The following PRCP variants were observed in gnomAD, a reference collection of about 807,000 sequenced individuals.
The protein encoded by PRCP is lysosomal Pro-X carboxypeptidase.
PRCP carries 46 observed loss-of-function variants against 54.2 expected under a neutral mutation model. That is an observed-to-expected ratio of 0.85 (90% CI 0.67 to 1.09). The LOEUF (loss-of-function observed/expected upper bound fraction) is 1.09. Among genes scored for constraint, PRCP ranks in the 50% least tolerant of loss-of-function variants. The pLI is 0.00. For missense variants in PRCP, 613 were observed against 596.8 expected, an observed-to-expected ratio of 1.03 and a Z score of -0.28; for synonymous variants, 240 against 212.2, an observed-to-expected ratio of 1.13 and a Z score of -1.14.
At position 82,824,977 on chromosome 11, in the gene PRCP, G is replaced by C. The variant is rs543072215; in HGVS notation, c.1420C>G (p.Arg474Gly). The C allele has an allele frequency of 1.2e-6, 2 of 1,613,882 alleles. No individual in the cohort carries two copies. Among genetic ancestry groups the C allele is most frequent in the South Asian group, 2.2e-5 (2 of 91,074 alleles). Residue 474 changes from arginine to glycine, a missense_variant, in exon 9 of 9, where the codon CGC (arginine) becomes GGC (glycine). Arg to Gly is a moderately radical substitution (Grantham distance 125, BLOSUM62 -2). Coordinates refer to ENST00000313010, the MANE Select transcript of PRCP (RefSeq NM_005040.4). ...TTCATATGTCTAACTTCCAAGGAGC[G>C]GGCTAACAGCACAGACATAGGATCC... is the stretch of plus-strand genomic sequence containing the variant. ...ALDPMSVLLARSLEVRHMKNW... is the reference protein window; with the variant it reads ...ALDPMSVLLAGSLEVRHMKNW...
chr11:82,893,102 A>G (rs1860041074), intron 1 of PRCP, among the ~76,000 whole-genome samples: 1 of 152,180 alleles, frequency 6.6e-6, no homozygotes, highest in East Asian at 1.9e-4. Context: ...GTTCTAGCCA[A>G]GGAATTGTGA....
intron 1 of PRCP, 160 bp downstream of exon 1, chr11:82,900,075 T>C (rs1487004141): frequency 1.1e-6 from 1 of 901,890 alleles, no homozygotes; most frequent in South Asian, 1.7e-5. Context: ...TAAACAGAAC[T>C]GGGATTTGGG....
At chr11:82,858,242 T>A (rs1406636005) in intron 2 of PRCP, 1 of 152,238 alleles carries the variant, frequency 6.6e-6, no homozygotes, top group Non-Finnish European at 1.5e-5. Context: ...CTGTATCCAT[T>A]TAACAGATGA....
At chr11:82,863,820 C>T (rs777063490) in intron 1 of PRCP, among the ~76,000 whole-genome samples, 1 of 152,198 alleles carries the variant, frequency 6.6e-6, no homozygotes, top group East Asian at 1.9e-4. Context: ...GCCCAAGGTA[C>T]TCCTGCTCCC....
intron 3 of PRCP, among the ~76,000 whole-genome samples, chr11:82,852,445 G>C (rs1263814678): frequency 6.6e-6 from 1 of 152,118 alleles, no homozygotes; most frequent in Non-Finnish European, 1.5e-5. Flanking sequence ...ATTTTTAATG[G>C]AACATTTATT....
At chr11:82,864,411 G>A (rs941946373) in intron 1 of PRCP, among the ~76,000 whole-genome samples, 3 of 152,170 alleles carry the variant, frequency 2.0e-5, no homozygotes, top group Non-Finnish European at 4.4e-5. Flanking sequence ...TGGGACCCAC[G>A]TGCCACTCCC....
intron 8 of PRCP, chr11:82,829,733 C>A (rs2121057497): frequency 6.6e-6 from 1 of 152,228 alleles, no homozygotes; most frequent in Non-Finnish European, 1.5e-5. Flanking sequence ...AGAAGCAGAC[C>A]TGGCTTAGAA....
chr11:82,830,378 A>C (rs1300855784), intron 8 of PRCP: 2 of 152,144 alleles, frequency 1.3e-5, no homozygotes, highest in Non-Finnish European at 2.9e-5. Flanking sequence ...CTATAATCCC[A>C]GCACTTTGGG....
intron 1 of PRCP, among the ~76,000 whole-genome samples, chr11:82,870,808 G>A (rs1471376817): frequency 1.3e-5 from 2 of 152,250 alleles, no homozygotes; most frequent in East Asian, 3.9e-4. Flanking sequence ...ATAAAACTAG[G>A]ATGAGAATGT....
intron 1 of PRCP, among the ~76,000 whole-genome samples, chr11:82,866,153 A>G (rs1404224040): frequency 6.6e-6 from 1 of 152,228 alleles, no homozygotes; most frequent in Non-Finnish European, 1.5e-5. Context: ...CATCCATACA[A>G]TGAAGATACC....
chr11:82,876,437 G>A (rs750330366), intron 1 of PRCP, among the ~76,000 whole-genome samples: 1 of 152,174 alleles, frequency 6.6e-6, no homozygotes, highest in Non-Finnish European at 1.5e-5. Flanking sequence ...AACCATATGT[G>A]TATTTTTGCA....
intron 1 of PRCP, among the ~76,000 whole-genome samples, chr11:82,891,194 A>T (rs1860002025): frequency 6.6e-6 from 1 of 152,016 alleles, no homozygotes; most frequent in South Asian, 2.1e-4. Context: ...CTACCTTCTA[A>T]CTGCTCAGGC....
intron 3 of PRCP, among the ~76,000 whole-genome samples, chr11:82,851,199 T>C (rs1858946090): frequency 6.6e-6 from 1 of 152,134 alleles, no homozygotes; most frequent in African/African-American, 2.4e-5. Flanking sequence ...GAAGGTCTTT[T>C]AAAATATGTC....
chr11:82,861,783 T>A (rs139549347), intron 1 of PRCP, among the ~76,000 whole-genome samples: 3 of 152,274 alleles, frequency 2.0e-5, no homozygotes, highest in African/African-American at 7.2e-5. Flanking sequence ...TAAATGAATT[T>A]TAAGGAACAT....
At chr11:82,864,146 T>C (rs1001303811) in intron 1 of PRCP, among the ~76,000 whole-genome samples, 2 of 152,220 alleles carry the variant, frequency 1.3e-5, no homozygotes, top group African/African-American at 2.4e-5. Context: ...AGTACTTAGA[T>C]GGGAGACAGA....
At chr11:82,847,151 T>C (rs996463797) in intron 6 of PRCP, among the ~76,000 whole-genome samples, 5 of 152,208 alleles carry the variant, frequency 3.3e-5, no homozygotes. Flanking sequence ...AATGAGAGAA[T>C]TCCCCATATG....
At chr11:82,844,962 T>C (rs1485273969) in intron 6 of PRCP, among the ~76,000 whole-genome samples, 1 of 152,028 alleles carries the variant, frequency 6.6e-6, no homozygotes, top group Non-Finnish European at 1.5e-5. Flanking sequence ...TCTAGGTTTA[T>C]TTGTTTTGGC....
At chr11:82,851,520 A>G (rs549363362) in intron 3 of PRCP, among the ~76,000 whole-genome samples, 189 of 150,472 alleles carry the variant, frequency 1.3e-3, no homozygotes, top group Non-Finnish European at 2.2e-3. Context: ...CTCCAGCCCC[A>G]GTCAAGACTT....
At chr11:82,847,693 A>G (rs1303397131) in intron 6 of PRCP, among the ~76,000 whole-genome samples, 1 of 152,014 alleles carries the variant, frequency 6.6e-6, no homozygotes, top group Non-Finnish European at 1.5e-5. Flanking sequence ...TGCAGCCCCA[A>G]GCAATCATCC....
Sources: gnomAD v4.1 joint callset for allele counts (sites outside exome capture counted in the v4.1 genomes callset) on GRCh38, gnomAD v4.1.1 for gene constraint, MANE v1.5 for transcripts, NCBI Gene and HGNC (gene_info 2026-07-23, HGNC 2026-07-21) for gene names.